ROS1: variants seen among roughly 807,000 people sequenced by gnomAD.
The protein encoded by ROS1 is ROS proto-oncogene 1, receptor tyrosine kinase, also known as proto-oncogene tyrosine-protein kinase ROS.
In ROS1, 263 loss-of-function variants were observed where a neutral mutation model predicts 273.5. The ratio of observed to expected loss-of-function variants is 0.96; its 90% CI spans 0.87 to 1.06. The LOEUF (loss-of-function observed/expected upper bound fraction) is 1.06. Among genes scored for constraint, ROS1 ranks in the 50% least tolerant of loss-of-function variants. ROS1 has a pLI of 0.00. For missense variants in ROS1, 2,833 were observed against 2,751.1 expected (o/e 1.03, Z -0.67); for synonymous variants, 1,008 against 954.1 (o/e 1.06, Z -1.04).
chr6:117,352,883 G>T, intron 27 of ROS1, 107 bp downstream of exon 27: 1 of 972,636 alleles, frequency 1.0e-6, no homozygotes, highest in Non-Finnish European at 1.6e-6. Flanking sequence ...GCAAGGATGA[G>T]AGCACAACAA....
Position 117,366,199 on chromosome 6 carries a change from A to G in ROS1, c.2674T>C (p.Trp892Arg), listed in dbSNP as rs1410939393. The G allele has an allele frequency of 3.7e-6, 6 of 1,614,006 alleles. No individual in the cohort carries two copies. Among genetic ancestry groups the G allele is most frequent in the African/African-American group, 1.3e-5 (1 of 74,916 alleles). The change falls in exon 19 of 44, where the codon TGG (tryptophan) becomes CGG (arginine). Residue 892 changes from tryptophan to arginine, a missense_variant. Physicochemically the swap from Trp to Arg is moderately radical, Grantham distance 101. Coordinates refer to ENST00000368507, the MANE Select transcript of ROS1 (RefSeq NM_001378902.1). ...GTGATAATCCTAAAGCCATTGATCC[A>G]GAACAGCCGACCACTATAGTACATC... ...ALMYYSGRLF[W>R]INGFRIITTQ... is the part of the protein sequence containing the mutation.
intron 1 of ROS1, among the ~76,000 whole-genome samples, chr6:117,424,184 A>G (rs888211600): frequency 3.3e-5 from 5 of 152,216 alleles, no homozygotes; most frequent in African/African-American, 9.6e-5. Context: ...TGGTACATTC[A>G]TATAATGGAA....
chr6:117,310,229 G>A lies in ROS1; in HGVS notation c.6268C>T (p.Arg2090Trp), dbSNP rs371087942. 73 of 1,613,012 alleles carry A rather than the reference G, an allele frequency of 4.5e-5. No individual in the cohort carries two copies. The African/African-American group carries it at 6.0e-4, about 13-fold the overall frequency. Residue 2090 changes from arginine (R) to tryptophan (W), a missense_variant, in exon 41 of 44, where the codon CGG becomes TGG. Arg to Trp is a moderately radical substitution (Grantham distance 101). Transcript: ENST00000368507. ...LVSVKDYTSPRIVKIGDFGLA... is the reference protein window; with the variant it reads ...LVSVKDYTSPWIVKIGDFGLA... ...CCAAAGTCTCCAATCTTCACTATCC[G>A]TGGACTGGTATAGTCTTTCACGGAA...
chr6:117,365,968 C>G (rs1780185946), intron 19 of ROS1, 108 bp downstream of exon 19: 1 of 998,960 alleles, frequency 1.0e-6, no homozygotes, highest in Middle Eastern at 2.7e-4. Flanking sequence ...TTACTGAAAC[C>G]TTACTCCTCT....
rs756817839 is a variant in ROS1 at position 117,397,076 on chromosome 6, T to C, written c.645A>G (p.Ser215=). 1.2e-6 allele frequency: 2 copies of C among 1,613,870 alleles called. No individual in the cohort carries two copies. Among genetic ancestry groups the C allele is most frequent in the East Asian group, 4.5e-5 (2 of 44,872 alleles). ...TAPLIRNIES[S]SPDTVEVSWD... The stretch of plus-strand genomic sequence containing the variant: ...AGCTGACTTCCACAGTGTCGGGACT[T>C]GAGCTCTCAATATTCCTAATCAAAG... The change falls in exon 8 of 44, where the codon TCA becomes TCG. Residue 215 remains serine (S), a synonymous_variant. Transcript: ENST00000368507.
intron 1 of ROS1, among the ~76,000 whole-genome samples, chr6:117,423,850 G>A (rs1775941506): frequency 6.6e-6 from 1 of 152,146 alleles, no homozygotes; most frequent in South Asian, 2.1e-4. Flanking sequence ...TGTGAACCAT[G>A]GTTACATTCA....
At chr6:117,370,143 A>G (rs1562326376) in intron 18 of ROS1, among the ~76,000 whole-genome samples, 1 of 152,152 alleles carries the variant, frequency 6.6e-6, no homozygotes, top group African/African-American at 2.4e-5. Context: ...GAGTTTTTCT[A>G]CTTACCAAAA....
intron 27 of ROS1, among the ~76,000 whole-genome samples, chr6:117,351,658 C>G (rs183669266): frequency 6.6e-6 from 1 of 152,220 alleles, no homozygotes; most frequent in East Asian, 1.9e-4. Context: ...AATTGTAATT[C>G]TCTGTATTTA....
chr6:117,354,518 C>A (rs1779137673), intron 26 of ROS1, among the ~76,000 whole-genome samples: 1 of 152,100 alleles, frequency 6.6e-6, no homozygotes. Context: ...AAGAAAAAAA[C>A]TAATATTCAT....
chr6:117,403,904 T>C lies in ROS1; in HGVS notation c.465+376A>G, dbSNP rs560799475. Among the ~76,000 whole-genome samples the C allele has an allele frequency of 4.6e-5, 7 of 152,316 alleles. No homozygotes were observed. The East Asian group carries it at 9.7e-4, about 21-fold the overall frequency. ...ACCCATCTTACAGCTGAATCTTTTC[T>C]AGAAGGCCTTTACGCTTATAAGTAA... On this transcript the variant is annotated intron_variant, in intron 6 of 43. Transcript: ENST00000368507.
rs1178989605 is a variant in ROS1, at chr6:117,289,810, G to GAACACCTGTGGAAGGTATTC, written c.6716-1028_6716-1009dup. ...CAAGTTTGGTTAGTACCTGGGTGTT[G>GAACACCTGTGGAAGGTATTC]AACACCTGTGGAAGGTATTCAACAC... On this transcript the variant is annotated intron_variant, in intron 43 of 43. Transcript: ENST00000368507. Among the ~76,000 whole-genome samples, 3 of 152,274 alleles carry GAACACCTGTGGAAGGTATTC rather than the reference G, an allele frequency of 2.0e-5. No individual in the cohort carries two copies. In the East Asian group the frequency reaches 5.8e-4, roughly 29 times the overall value.
Position 117,359,913 on chromosome 6 carries a change from T to C in ROS1, c.3529A>G (p.Arg1177Gly). 2 of 1,613,914 alleles carry C rather than the reference T, an allele frequency of 1.2e-6. No individual in the cohort carries two copies. Among genetic ancestry groups the C allele is most frequent in the Non-Finnish European group, 1.7e-6 (2 of 1,179,852 alleles). ...GTGTAGCAAACGGCACTGATAACTCTTTCTGCTGAAAACGTCCACACAACT... is the reference window on the plus strand; with the variant it reads ...GTGTAGCAAACGGCACTGATAACTCCTTCTGCTGAAAACGTCCACACAACT... ...NQVVWTFSAE[R>G]VISAVCYTAD... The change falls in exon 24 of 44, where the codon AGA (arginine) becomes GGA (glycine). Residue 1177 changes from arginine to glycine, a missense_variant. Transcript: ENST00000368507.
intron 4 of ROS1, among the ~76,000 whole-genome samples, chr6:117,413,650 G>C (rs1052820635): frequency 1.3e-5 from 2 of 152,136 alleles, no homozygotes; most frequent in Non-Finnish European, 2.9e-5. Flanking sequence ...GGTAGAAGCT[G>C]TCTTGCAAAA....
intron 17 of ROS1, 57 bp downstream of exon 17, chr6:117,383,260 A>G: frequency 7.8e-7 from 1 of 1,290,318 alleles, no homozygotes; most frequent in South Asian, 1.4e-5. Context: ...AGAAAGTATT[A>G]TCATAAATAT....
chr6:117,348,039 CTTGTAATATAT>C (rs1778517601), intron 27 of ROS1, among the ~76,000 whole-genome samples: 2 of 151,944 alleles, frequency 1.3e-5, no homozygotes, highest in Non-Finnish European at 2.9e-5. Flanking sequence ...ATTTTCTTTT[CTTGTAATATAT>C]TTGTCTAGTT....
chr6:117,348,299 C>T (rs1156996734), intron 27 of ROS1, among the ~76,000 whole-genome samples: 1 of 151,942 alleles, frequency 6.6e-6, no homozygotes, highest in Non-Finnish European at 1.5e-5. Context: ...ATTTCTTCTT[C>T]TGTGAGTTTT....
At chr6:117,346,902 GCCACTTCTTC>G (rs1230599072) in intron 27 of ROS1, among the ~76,000 whole-genome samples, 1 of 149,648 alleles carries the variant, frequency 6.7e-6, no homozygotes, top group East Asian at 2.0e-4. Context: ...CTGTCTATTC[GCCACTTCTTC>G]CCCCAGCCTT....
intron 35 of ROS1, among the ~76,000 whole-genome samples, chr6:117,323,779 T>A (rs1254784384): frequency 6.6e-6 from 1 of 152,116 alleles, no homozygotes; most frequent in African/African-American, 2.4e-5. Context: ...TTCCTGGTCA[T>A]TTATAAATGA....
intron 16 of ROS1, among the ~76,000 whole-genome samples, chr6:117,384,533 CAAAT>C (rs1772409177): frequency 6.6e-6 from 1 of 152,158 alleles, no homozygotes; most frequent in Non-Finnish European, 1.5e-5. Context: ...GATTGCTGGA[CAAAT>C]AAATAAATGG....
Sources: gnomAD v4.1 joint callset for allele counts (sites outside exome capture counted in the v4.1 genomes callset) on GRCh38, gnomAD v4.1.1 for gene constraint, MANE v1.5 for transcripts, NCBI Gene and HGNC (gene_info 2026-07-23, HGNC 2026-07-21) for gene names.